MYO1E: variants seen among roughly 807,000 people sequenced by gnomAD.
MYO1E encodes the protein unconventional myosin-Ie.
A neutral mutation model predicts 151.1 loss-of-function variants in MYO1E; 68 were observed. The ratio of observed to expected loss-of-function variants is 0.45; its 90% CI spans 0.37 to 0.55. The LOEUF is 0.55. Ranked by LOEUF, MYO1E falls within the 20% of genes least tolerant of loss-of-function variation. MYO1E has a pLI of 0.00. For missense variants in MYO1E, 1,363 were observed against 1,389.3 expected (o/e 0.98, Z 0.30); for synonymous variants, 601 against 501.7 (o/e 1.20, Z -2.64).
intron 1 of MYO1E, among the ~76,000 whole-genome samples, chr15:59,309,252 G>A (rs1287886792): frequency 1.3e-5 from 2 of 152,192 alleles, no homozygotes; most frequent in African/African-American, 4.8e-5. Context: ...TCTATCCTCA[G>A]AGTAATGCTA....
intron 6 of MYO1E, 124 bp from the exon 7 acceptor site, chr15:59,227,714 C>T: frequency 7.6e-7 from 1 of 1,312,016 alleles, no homozygotes; most frequent in Non-Finnish European, 1.1e-6. Flanking sequence ...TGAATTACTC[C>T]TAATTTGAGT....
intron 4 of MYO1E, among the ~76,000 whole-genome samples, chr15:59,239,350 T>G (rs1413324727): frequency 6.6e-6 from 1 of 151,632 alleles, no homozygotes; most frequent in African/African-American, 2.4e-5. Context: ...ATTATTCAAC[T>G]TCCTACATAT....
At chr15:59,221,080 T>C (rs1218898108) in intron 9 of MYO1E, among the ~76,000 whole-genome samples, 1 of 149,222 alleles carries the variant, frequency 6.7e-6, no homozygotes, top group Non-Finnish European at 1.5e-5. Context: ...CTTTTTGAGA[T>C]GGAGACTCGC....
chr15:59,289,202 C>T (rs900632901), intron 1 of MYO1E, among the ~76,000 whole-genome samples: 1 of 152,144 alleles, frequency 6.6e-6, no homozygotes, highest in Non-Finnish European at 1.5e-5. Flanking sequence ...TGCTTCCAGT[C>T]CCTCCTGAGC....
At chr15:59,222,988 G>A (rs945439877) in intron 9 of MYO1E, 71 bp downstream of exon 9, 2 of 1,595,810 alleles carry the variant, frequency 1.3e-6, no homozygotes, top group Non-Finnish European at 1.7e-6. Flanking sequence ...CTAAGCAAAG[G>A]AAAGTGCTAG....
chr15:59,209,447 G>C (rs202052306), intron 13 of MYO1E, among the ~76,000 whole-genome samples: 1 of 151,746 alleles, frequency 6.6e-6, no homozygotes, highest in African/African-American at 2.4e-5. Context: ...GGAGGCCGAG[G>C]GGGGTGGATC....
chr15:59,157,187 C>T (rs2079513959), intron 25 of MYO1E, among the ~76,000 whole-genome samples: 1 of 152,126 alleles, frequency 6.6e-6, no homozygotes, highest in Non-Finnish European at 1.5e-5. Flanking sequence ...GATGGCACCA[C>T]TGCACTCCAG....
At position 59,227,478 on chromosome 15, in the gene MYO1E, C is replaced by T. The variant is rs2079999007; in HGVS notation, c.623G>A (p.Ser208Asn). Reference sequence around the variant, plus strand: ...GAAAACCTGGTAAAATATGTGAAAACTCCGCTCTCCTGGGTTCCTCATCAC... The same window carrying T: ...GAAAACCTGGTAAAATATGTGAAAATTCCGCTCTCCTGGGTTCCTCATCAC... ...RVVMRNPGER[S>N]FHIFYQLIEG... The change falls in exon 7 of 28, where the codon AGT (serine) becomes AAT (asparagine). Residue 208 changes from serine (S) to asparagine (N), a missense_variant. Physicochemically the swap from Ser to Asn is conservative, Grantham distance 46 (BLOSUM62 1). Coordinates refer to ENST00000288235, the MANE Select transcript of MYO1E (RefSeq NM_004998.4). 1.2e-6 allele frequency: 2 copies of T among 1,614,140 alleles called. No individual in the cohort carries two copies. Among genetic ancestry groups the T allele is most frequent in the Non-Finnish European group, 1.7e-6 (2 of 1,180,016 alleles).
At position 59,136,932 on chromosome 15, in the gene MYO1E, T is replaced by C; in HGVS notation, c.*448A>G. On this transcript the variant is annotated 3_prime_UTR_variant, in exon 28 of 28. Coordinates refer to ENST00000288235, the MANE Select transcript of MYO1E (RefSeq NM_004998.4). Reference sequence around the variant, plus strand: ...AGGGCGGGTCCTCCCTGAAGGAAGGTGGCAGAGAGGAATGTGTCTATCAGG... The same window carrying C: ...AGGGCGGGTCCTCCCTGAAGGAAGGCGGCAGAGAGGAATGTGTCTATCAGG... 2.8e-6 allele frequency: 1 copy of C among 360,746 alleles called. No homozygotes were observed. The highest frequency in any genetic ancestry group is 5.5e-6 in the Non-Finnish European group (1 of 181,750). 22.3% of individuals were successfully genotyped at this position (360,746 alleles called of 1,614,324 possible). A position where few individuals can be genotyped will look rare whatever the true frequency, so the allele number is the denominator to read the frequency against.
chr15:59,245,538 C>G (rs1231545889), intron 4 of MYO1E, among the ~76,000 whole-genome samples: 4 of 152,142 alleles, frequency 2.6e-5, no homozygotes, highest in African/African-American at 9.7e-5. Flanking sequence ...ATGCACCTGA[C>G]AAAGACTTTG....
chr15:59,364,030 G>A (rs966661663), intron 1 of MYO1E, among the ~76,000 whole-genome samples: 3 of 151,934 alleles, frequency 2.0e-5, no homozygotes, highest in African/African-American at 4.8e-5. Flanking sequence ...TGCCCTCCTC[G>A]GCCTCCCAAA....
At chr15:59,148,481 T>C (rs922820214) in intron 26 of MYO1E, among the ~76,000 whole-genome samples, 2 of 152,178 alleles carry the variant, frequency 1.3e-5, no homozygotes, top group Admixed American at 1.3e-4. Context: ...AGAAGGAAAA[T>C]AATGGCATTT....
Position 59,249,181 on chromosome 15 carries a change from T to C in MYO1E, c.332+7103A>G, listed in dbSNP as rs376122219. ...GCTCACGCCTGTAATCCCAGCACTT[T>C]GGGAGGCTGAGGCGGGTGGATCACG... On this transcript the variant is annotated intron_variant, in intron 4 of 27. Coordinates refer to ENST00000288235, the MANE Select transcript of MYO1E (RefSeq NM_004998.4). 7.3e-4 allele frequency among the ~76,000 whole-genome samples: 111 copies of C among 152,252 alleles called. 1 individual carries two copies. In the East Asian group the frequency reaches 0.014, roughly 19 times the overall value.
intron 26 of MYO1E, among the ~76,000 whole-genome samples, chr15:59,140,388 A>T (rs1434647920): frequency 1.3e-5 from 2 of 152,238 alleles, no homozygotes; most frequent in East Asian, 3.8e-4. Flanking sequence ...TTTAGCAAAA[A>T]CAAAAAGGAA....
At chr15:59,306,169 A>G (rs2080513564) in intron 1 of MYO1E, among the ~76,000 whole-genome samples, 1 of 152,214 alleles carries the variant, frequency 6.6e-6, no homozygotes, top group South Asian at 2.1e-4. Flanking sequence ...TTGCAATTAA[A>G]TCCCTTTGCA....
chr15:59,358,358 C>T (rs2080866561), intron 1 of MYO1E, among the ~76,000 whole-genome samples: 1 of 152,176 alleles, frequency 6.6e-6, no homozygotes. Flanking sequence ...AACTATGTCT[C>T]CTGCCTTCTC....
At chr15:59,207,595 T>C in intron 14 of MYO1E, 1 of 1,614,172 alleles carries the variant, frequency 6.2e-7, no homozygotes, top group Non-Finnish European at 8.5e-7. Flanking sequence ...TACTGCTCGT[T>C]TTCGTTTCTT....
intron 1 of MYO1E, among the ~76,000 whole-genome samples, chr15:59,310,430 C>A (rs370037661): frequency 6.6e-6 from 1 of 152,118 alleles, no homozygotes; most frequent in African/African-American, 2.4e-5. Context: ...AGATAACTCA[C>A]GTCCTTAAAG....
chr15:59,282,043 C>T (rs2080355946), intron 1 of MYO1E, among the ~76,000 whole-genome samples: 1 of 152,134 alleles, frequency 6.6e-6, no homozygotes, highest in Admixed American at 6.5e-5. Context: ...TAAGGTCTAC[C>T]CTGGTGCCAT....
Sources: gnomAD v4.1 joint callset for allele counts (sites outside exome capture counted in the v4.1 genomes callset) on GRCh38, gnomAD v4.1.1 for gene constraint, MANE v1.5 for transcripts, NCBI Gene and HGNC (gene_info 2026-07-23, HGNC 2026-07-21) for gene names.